MICU1: variants seen among roughly 807,000 people sequenced by gnomAD.
MICU1 encodes mitochondrial calcium uptake 1, also known as calcium uptake protein 1, mitochondrial.
A neutral mutation model predicts 56.8 loss-of-function variants in MICU1; 45 were observed. The ratio of observed to expected loss-of-function variants is 0.79; its 90% CI spans 0.62 to 1.02. The LOEUF is 1.02. Ranked by LOEUF, MICU1 falls within the 50% of genes least tolerant of loss-of-function variation. MICU1 has a pLI of 0.00. For missense variants in MICU1, 504 were observed against 587.1 expected (o/e 0.86, Z 1.46); for synonymous variants, 186 against 195.1 (o/e 0.95, Z 0.39).
chr10:72,371,657 T>C (rs996492962), intron 11 of MICU1, among the ~76,000 whole-genome samples: 21 of 152,016 alleles, frequency 1.4e-4, no homozygotes, highest in African/African-American at 4.8e-4. Flanking sequence ...AGCAGGAGAA[T>C]TGCTTGACCC....
intron 6 of MICU1, among the ~76,000 whole-genome samples, chr10:72,478,237 A>G (rs890954865): frequency 2.0e-5 from 3 of 152,238 alleles, no homozygotes; most frequent in African/African-American, 7.2e-5. Context: ...GGTAAAATTA[A>G]GCTGAAGTTT....
At chr10:72,395,163 A>AGT (rs1307344051) in intron 10 of MICU1, among the ~76,000 whole-genome samples, 1 of 152,108 alleles carries the variant, frequency 6.6e-6, no homozygotes, top group African/African-American at 2.4e-5. Context: ...TGGGCAATAG[A>AGT]GTGAGACTCC....
At chr10:72,454,599 A>G (rs948105974) in intron 8 of MICU1, among the ~76,000 whole-genome samples, 1 of 152,024 alleles carries the variant, frequency 6.6e-6, no homozygotes, top group East Asian at 1.9e-4. Flanking sequence ...CCTGGCCAAC[A>G]TGGTGAAACC....
chr10:72,543,235 C>T (rs191055808), intron 4 of MICU1, among the ~76,000 whole-genome samples: 2 of 152,158 alleles, frequency 1.3e-5, no homozygotes, highest in African/African-American at 4.8e-5. Context: ...ATCAGTAGAA[C>T]ACGAGGACCT....
intron 5 of MICU1, among the ~76,000 whole-genome samples, chr10:72,519,057 G>A (rs78989328): frequency 0.037 from 5,629 of 152,298 alleles, 326 homozygotes; most frequent in African/African-American, 0.13. Context: ...TGGCTTAGAA[G>A]TTACATTTCA....
intron 10 of MICU1, among the ~76,000 whole-genome samples, chr10:72,402,257 C>CA (rs963492125): frequency 8.5e-5 from 13 of 152,118 alleles, no homozygotes; most frequent in Non-Finnish European, 1.9e-4. Context: ...TATGGGACTT[C>CA]AGTCACAACC....
intron 5 of MICU1, among the ~76,000 whole-genome samples, chr10:72,512,527 C>T (rs530436353): frequency 6.6e-6 from 1 of 152,218 alleles, no homozygotes; most frequent in South Asian, 2.1e-4. Context: ...TATGTATATG[C>T]CACAGTTTAT....
chr10:72,561,992 G>A (rs1345950916), intron 3 of MICU1, among the ~76,000 whole-genome samples: 1 of 151,952 alleles, frequency 6.6e-6, no homozygotes, highest in African/African-American at 2.4e-5. Context: ...TTTTAACCTT[G>A]ACATGCAAAA....
chr10:72,611,487 G>T (rs1339618027), intron 1 of MICU1, among the ~76,000 whole-genome samples: 1 of 150,088 alleles, frequency 6.7e-6, no homozygotes, highest in African/African-American at 2.5e-5. Context: ...TGGGTGTGGT[G>T]GTGCGTGCCT....
intron 9 of MICU1, among the ~76,000 whole-genome samples, chr10:72,413,597 G>A (rs1863893785): frequency 6.6e-6 from 1 of 152,126 alleles, no homozygotes; most frequent in South Asian, 2.1e-4. Flanking sequence ...GCCAGGCTGT[G>A]GTGGTGGGCA....
intron 7 of MICU1, among the ~76,000 whole-genome samples, chr10:72,476,299 G>A (rs1011193101): frequency 6.6e-6 from 1 of 150,492 alleles, no homozygotes; most frequent in Non-Finnish European, 1.5e-5. Flanking sequence ...CACGATCATA[G>A]CTCACTGCAA....
At chr10:72,407,712 C>CA (rs1417628652) in intron 10 of MICU1, among the ~76,000 whole-genome samples, 1 of 152,164 alleles carries the variant, frequency 6.6e-6, no homozygotes, top group Non-Finnish European at 1.5e-5. Context: ...TAAAGATAGG[C>CA]ACCTGCCCAG....
intron 8 of MICU1, among the ~76,000 whole-genome samples, chr10:72,452,015 C>T (rs764632107): frequency 2.6e-5 from 4 of 151,958 alleles, no homozygotes; most frequent in Non-Finnish European, 5.9e-5. Flanking sequence ...CAGGCACCTG[C>T]CACCATGCCT....
chr10:72,466,568 T>C (rs1469680242), intron 8 of MICU1, among the ~76,000 whole-genome samples: 3 of 152,154 alleles, frequency 2.0e-5, no homozygotes, highest in Admixed American at 6.6e-5. Flanking sequence ...TCATTGAACA[T>C]ATCATTTTGT....
intron 1 of MICU1, among the ~76,000 whole-genome samples, chr10:72,589,605 G>A (rs1283945657): frequency 6.8e-6 from 1 of 147,666 alleles, no homozygotes; most frequent in African/African-American, 2.4e-5. Context: ...TAGAGAATGG[G>A]GGTGGGGAAT....
At chr10:72,506,103 A>G (rs1867242155) in intron 6 of MICU1, among the ~76,000 whole-genome samples, 1 of 152,014 alleles carries the variant, frequency 6.6e-6, no homozygotes, top group Admixed American at 6.6e-5. Flanking sequence ...TAAGCACTTC[A>G]TTGTAAATCA....
intron 8 of MICU1, among the ~76,000 whole-genome samples, chr10:72,430,997 T>C (rs986406948): frequency 1.3e-5 from 2 of 152,198 alleles, no homozygotes; most frequent in Non-Finnish European, 2.9e-5. Context: ...ATCCTCATTA[T>C]ATTTCAAGGA....
Position 72,368,371 on chromosome 10 carries a change from A to G in MICU1, c.1271-16T>C, listed in dbSNP as rs748727241. On this transcript the variant is annotated splice_polypyrimidine_tract_variant and intron_variant, in intron 11 of 11. Transcript: ENST00000361114. ...TCGCCATTGCCTAGAGGAAGAGGCA[A>G]AAACAACAGGGATAAGTGTTGGCCT... The G allele has an allele frequency of 6.2e-7, 1 of 1,610,146 alleles. No homozygotes were observed. Among genetic ancestry groups the G allele is most frequent in the East Asian group, 2.2e-5 (1 of 44,748 alleles).
chr10:72,526,565 G>A (rs1300221289), intron 5 of MICU1, among the ~76,000 whole-genome samples: 1 of 152,090 alleles, frequency 6.6e-6, no homozygotes, highest in Non-Finnish European at 1.5e-5. Flanking sequence ...CAAAGTGCTG[G>A]GATTACAGGC....
Sources: gnomAD v4.1 joint callset for allele counts (sites outside exome capture counted in the v4.1 genomes callset) on GRCh38, gnomAD v4.1.1 for gene constraint, MANE v1.5 for transcripts, NCBI Gene and HGNC (gene_info 2026-07-23, HGNC 2026-07-21) for gene names.